Variants in NTRK3 observed in about 807,000 individuals in gnomAD.
The protein encoded by NTRK3 is NT-3 growth factor receptor.
In NTRK3, 24 loss-of-function variants were observed where a neutral mutation model predicts 91.7. The ratio of observed to expected loss-of-function variants is 0.26; its 90% CI spans 0.19 to 0.37. NTRK3 has a LOEUF of 0.37. NTRK3 is among the 10% of genes least tolerant of loss of function. The pLI, the probability that NTRK3 is intolerant of heterozygous loss-of-function variation, is 1.00. For synonymous variants in NTRK3, 483 were observed against 404.0 expected (o/e 1.20, Z -2.34); for missense variants, 880 against 1,068.9 (o/e 0.82, Z 2.46).
At chr15:87,944,040 T>C (rs984868535) in intron 14 of NTRK3, among the ~76,000 whole-genome samples, 3 of 152,206 alleles carry the variant, frequency 2.0e-5, no homozygotes, top group Admixed American at 6.5e-5. Context: ...TCTTGTTGTC[T>C]TCAGGGTGAA....
intron 14 of NTRK3, among the ~76,000 whole-genome samples, chr15:87,953,103 C>T (rs889751653): frequency 6.6e-6 from 1 of 152,366 alleles, no homozygotes; most frequent in African/African-American, 2.4e-5. Flanking sequence ...CCAAGAGTTT[C>T]CCCCACACCA....
chr15:88,158,489 G>A (rs369572169), intron 5 of NTRK3, among the ~76,000 whole-genome samples: 3 of 152,170 alleles, frequency 2.0e-5, no homozygotes, highest in South Asian at 4.1e-4. Flanking sequence ...GGGAAAATGC[G>A]GTCCTCACCC....
Position 87,976,549 on chromosome 15 carries a change from A to G in NTRK3, c.1586-35796T>C, listed in dbSNP as rs145893296. Among the ~76,000 whole-genome samples, 644 of 152,278 alleles carry G rather than the reference A, an allele frequency of 4.2e-3. 3 individuals carry two copies. Among genetic ancestry groups the G allele is most frequent in the Non-Finnish European group, 7.2e-3 (489 of 68,024 alleles). On this transcript the variant is annotated intron_variant, in intron 14 of 18. Coordinates refer to ENST00000394480, the Ensembl canonical transcript of NTRK3. Reference sequence around the variant, plus strand: ...TCCACTCTTGCTCCATCTCTCCTGCATACAGGGCCTCACGGTGTCCTCTCC... The same window carrying G: ...TCCACTCTTGCTCCATCTCTCCTGCGTACAGGGCCTCACGGTGTCCTCTCC...
intron 3 of NTRK3, among the ~76,000 whole-genome samples, chr15:88,218,281 T>C (rs1350494674): frequency 6.6e-6 from 1 of 152,160 alleles, no homozygotes; most frequent in Non-Finnish European, 1.5e-5. Flanking sequence ...GAAAACCTCC[T>C]AAAGAGAAAT....
chr15:88,130,961 T>C (rs955215219), intron 10 of NTRK3, among the ~76,000 whole-genome samples: 3 of 152,220 alleles, frequency 2.0e-5, no homozygotes, highest in Non-Finnish European at 4.4e-5. Context: ...CTGGGGAAGC[T>C]GGACAAAGGG....
At chr15:87,885,575 A>G in intron 17 of NTRK3, 119 bp downstream of exon 18, 1 of 508,406 alleles carries the variant, frequency 2.0e-6, no homozygotes, top group Non-Finnish European at 3.4e-6. Context: ...AACAAACTAG[A>G]GAGTCCAGAG....
chr15:88,003,446 G>C (rs918936540), intron 14 of NTRK3, among the ~76,000 whole-genome samples: 4 of 152,204 alleles, frequency 2.6e-5, no homozygotes, highest in Admixed American at 1.3e-4. Context: ...GTCCTTGGCA[G>C]GTTTTATTTC....
chr15:88,139,189 T>G lies in NTRK3; in HGVS notation c.465-1628A>C, dbSNP rs531052594. Among the ~76,000 whole-genome samples the G allele has an allele frequency of 9.7e-4, 147 of 152,156 alleles. 1 individual carries two copies. Among genetic ancestry groups the G allele is most frequent in the Non-Finnish European group, 1.8e-3 (123 of 68,034 alleles). On this transcript the variant is annotated intron_variant, in intron 6 of 18. Transcript: ENST00000394480. Reference sequence around the variant, plus strand: ...CTTCAAGGACTTCCTTCTCTACTGATTTTCCTTATGACTTGAAGCAAGTCA... The same window carrying G: ...CTTCAAGGACTTCCTTCTCTACTGAGTTTCCTTATGACTTGAAGCAAGTCA...
intron 5 of NTRK3, among the ~76,000 whole-genome samples, chr15:88,159,989 CACACAT>C (rs2044294403): frequency 2.1e-5 from 3 of 145,944 alleles, no homozygotes; most frequent in South Asian, 2.2e-4. Context: ...CACACACACA[CACACAT>C]TGCTTGAACT....
chr15:88,060,065 C>T (rs1016492107), intron 13 of NTRK3, among the ~76,000 whole-genome samples: 12 of 152,134 alleles, frequency 7.9e-5, no homozygotes, highest in Non-Finnish European at 1.5e-4. Context: ...ACGGAGGTGA[C>T]ATCTTAGCAG....
intron 3 of NTRK3, among the ~76,000 whole-genome samples, chr15:88,192,764 C>T (rs930630863): frequency 2.6e-5 from 4 of 152,046 alleles, no homozygotes; most frequent in African/African-American, 4.8e-5. Context: ...CCCAACTGGA[C>T]CTCCTACGTG....
At chr15:87,881,328 A>C (rs932027320) in intron 17 of NTRK3, among the ~76,000 whole-genome samples, 1 of 152,254 alleles carries the variant, frequency 6.6e-6, no homozygotes, top group Admixed American at 6.5e-5. Context: ...ATTGTTAAAA[A>C]AACTACTTAA....
intron 14 of NTRK3, among the ~76,000 whole-genome samples, chr15:88,014,360 A>C (rs542260035): frequency 6.6e-6 from 1 of 152,318 alleles, no homozygotes; most frequent in Non-Finnish European, 1.5e-5. Flanking sequence ...CCAAATCCTT[A>C]TGCAGTTTAA....
intron 13 of NTRK3, among the ~76,000 whole-genome samples, chr15:88,083,011 T>TA (rs1567360601): frequency 6.6e-6 from 1 of 152,166 alleles, no homozygotes. Context: ...AAGGCCAACA[T>TA]ACTTTGGAAT....
At chr15:88,153,728 C>T (rs941376306) in intron 5 of NTRK3, among the ~76,000 whole-genome samples, 1 of 151,904 alleles carries the variant, frequency 6.6e-6, no homozygotes, top group African/African-American at 2.4e-5. Context: ...GATCCACCTC[C>T]TCAGAGACAG....
chr15:87,993,361 C>T (rs912233934), intron 14 of NTRK3, among the ~76,000 whole-genome samples: 1 of 152,034 alleles, frequency 6.6e-6, no homozygotes, highest in African/African-American at 2.4e-5. Flanking sequence ...AAATTTATGG[C>T]CCTAAAAAAT....
rs34029623 is a variant in NTRK3 at position 87,878,906 on chromosome 15, G to GGTGT, written c.2292+1360_2292+1363dup. 3.3e-3 allele frequency among the ~76,000 whole-genome samples: 472 copies of GGTGT among 142,026 alleles called. 2 individuals are homozygous for GGTGT. Among genetic ancestry groups the GGTGT allele is most frequent in the Middle Eastern group, 7.5e-3 (2 of 266 alleles). 93.2% of individuals were successfully genotyped at this position (142,026 alleles called of 152,430 possible). A position where few individuals can be genotyped will look rare whatever the true frequency, so the allele number is the denominator to read the frequency against. ...GGAGGCAGTGTTCAGGTGCATGCAT[G>GGTGT]GTGTGTGTGTGTGTGTGTGTGTGTG... On this transcript the variant is annotated intron_variant, in intron 18 of 18. Transcript: ENST00000394480.
chr15:88,212,431 C>A (rs2049334092), intron 3 of NTRK3, among the ~76,000 whole-genome samples: 1 of 152,168 alleles, frequency 6.6e-6, no homozygotes, highest in South Asian at 2.1e-4. Context: ...TCTCTGAATT[C>A]TTTAACACGT....
intron 14 of NTRK3, among the ~76,000 whole-genome samples, chr15:88,022,926 G>A (rs558008714): frequency 6.6e-6 from 1 of 152,340 alleles, no homozygotes; most frequent in African/African-American, 2.4e-5. Flanking sequence ...ATAACCACAA[G>A]GATGGCAGGT....
Sources: gnomAD v4.1 joint callset for allele counts (sites outside exome capture counted in the v4.1 genomes callset) on GRCh38, gnomAD v4.1.1 for gene constraint, MANE v1.5 for transcripts, NCBI Gene and HGNC (gene_info 2026-07-23, HGNC 2026-07-21) for gene names.